The following SPATA24 variants were observed in gnomAD, a reference collection of about 807,000 sequenced individuals.
SPATA24 encodes the protein spermatogenesis-associated protein 24.
SPATA24 carries 21 observed loss-of-function variants against 28.9 expected under a neutral mutation model. That is an observed-to-expected ratio of 0.73 (90% CI 0.52 to 1.05). The LOEUF (loss-of-function observed/expected upper bound fraction) is 1.05, where lower values mean the gene tolerates loss of function less well. Ranked by LOEUF, SPATA24 falls within the 50% of genes least tolerant of loss-of-function variation. SPATA24 has a pLI of 0.00. For missense variants in SPATA24, 215 were observed against 242.9 expected, an observed-to-expected ratio of 0.88 and a Z score of 0.76; for synonymous variants, 76 against 89.9, an observed-to-expected ratio of 0.85 and a Z score of 0.88.
chr5:139,401,994 C>T lies in SPATA24; in HGVS notation c.235G>A (p.Glu79Lys), dbSNP rs768685286. Reference protein sequence around the residue: ...KTKVLLAKEEEKLQFALGEVE... With the variant: ...KTKVLLAKEEKKLQFALGEVE... ...TCTCCGAGGGCAAACTGTAACTTCT[C>T]CTCTTCCTTGGCCAGGAGGACCTTG... The change falls in exon 3 of 6, where the codon GAG (glutamate) becomes AAG (lysine). Residue 79 changes from glutamate (E) to lysine (K), a missense_variant. Coordinates refer to ENST00000450845, the MANE Select transcript of SPATA24 (RefSeq NM_194296.2). 1.3e-6 allele frequency: 2 copies of T among 1,551,718 alleles called. No individual in the cohort carries two copies. Among genetic ancestry groups the T allele is most frequent in the South Asian group, 1.2e-5 (1 of 84,060 alleles).
intron 2 of SPATA24, among the ~76,000 whole-genome samples, 176 bp from the exon 3 acceptor site, chr5:139,402,221 C>CT (rs951543387): frequency 2.9e-4 from 41 of 143,760 alleles, no homozygotes; most frequent in Middle Eastern, 3.5e-3. Flanking sequence ...TTTCTTTTTT[C>CT]TTTTTTTTTT....
chr5:139,402,409 T>TA (rs1561993666), intron 2 of SPATA24, among the ~76,000 whole-genome samples: 8 of 150,104 alleles, frequency 5.3e-5, no homozygotes, highest in African/African-American at 1.7e-4. Flanking sequence ...ATATATATAT[T>TA]TTTTTGTATT....
At chr5:139,403,574 T>C (rs1367207610) in intron 1 of SPATA24, among the ~76,000 whole-genome samples, 1 of 152,176 alleles carries the variant, frequency 6.6e-6, no homozygotes, top group Non-Finnish European at 1.5e-5. Flanking sequence ...GCACTGCCTT[T>C]GACTCTCGGG....
downstream of SPATA24, chr5:139,394,442 G>C (rs976581721): frequency 1.4e-6 from 2 of 1,396,110 alleles, no homozygotes; most frequent in Non-Finnish European, 1.8e-6. Context: ...TGGGGCCGGG[G>C]GCGCAGCTCG....
In SPATA24 at chr5:139,396,831, G is replaced by A; in HGVS notation, c.587C>T (p.Ala196Val). The change falls in exon 6 of 6, where the codon GCC becomes GTC. Residue 196 changes from alanine to valine, a missense_variant. Transcript: ENST00000450845. ...KHKKASGTRQ[A>V]RSHQHPREK Reference sequence around the variant, plus strand: ...TTCCCTGGGATGCTGGTGGCTGCGGGCCTGACGTGTCCCTGAGGCTTTCTT... The same window carrying A: ...TTCCCTGGGATGCTGGTGGCTGCGGACCTGACGTGTCCCTGAGGCTTTCTT... The A allele has an allele frequency of 6.4e-7, 1 of 1,551,722 alleles. No homozygotes were observed. Among genetic ancestry groups the A allele is most frequent in the Non-Finnish European group, 8.7e-7 (1 of 1,146,986 alleles).
At chr5:139,393,389 G>GAA, downstream of SPATA24, 1 of 1,551,662 alleles carries the variant, frequency 6.4e-7, no homozygotes. Flanking sequence ...CGCGTGGATG[G>GAA]ACTCTGCATC....
At chr5:139,394,892 C>T, downstream of SPATA24, 1 of 1,511,840 alleles carries the variant, frequency 6.6e-7, no homozygotes, top group Non-Finnish European at 8.8e-7. Context: ...GCGCCCGCCC[C>T]CCGCCCAGGA....
intron 3 of SPATA24, 36 bp downstream of exon 3, chr5:139,401,879 C>T: frequency 6.5e-7 from 1 of 1,549,082 alleles, no homozygotes; most frequent in South Asian, 1.2e-5. Context: ...CAGATGCATC[C>T]CCCAAACCCC....
At chr5:139,396,222 G>A (rs556253572), downstream of SPATA24, 24 of 985,392 alleles carry the variant, frequency 2.4e-5, no homozygotes, top group East Asian at 3.4e-4. Flanking sequence ...GGGGGCACTC[G>A]GTGATGGCTT....
chr5:139,395,929 C>T (rs1758695873), downstream of SPATA24, among the ~76,000 whole-genome samples: 1 of 152,240 alleles, frequency 6.6e-6, no homozygotes, highest in Non-Finnish European at 1.5e-5. Context: ...CAGGTATTCA[C>T]AAGGCCCTAA....
chr5:139,397,094 C>T lies in SPATA24; in HGVS notation c.435G>A (p.Glu145=), dbSNP rs1206959750. ...IKQEDILNGK[E]NEIKELQQVI... ...CTTGCTGCAACTCTTTAATCTCATT[C>T]TCTTTGCCATTAAGTATATCTTCTT... Residue 145 remains glutamate, a synonymous_variant, in exon 5 of 6, where the codon GAG becomes GAA. Coordinates refer to ENST00000450845, the MANE Select transcript of SPATA24 (RefSeq NM_194296.2). The T allele has an allele frequency of 1.9e-6, 3 of 1,551,602 alleles. No individual in the cohort carries two copies.
At chr5:139,395,899 AG>A (rs1380618327), downstream of SPATA24, among the ~76,000 whole-genome samples, 1 of 152,216 alleles carries the variant, frequency 6.6e-6, no homozygotes, top group Non-Finnish European at 1.5e-5. Flanking sequence ...CCCTGCGGCC[AG>A]AACAGCCCTG....
chr5:139,393,443 C>T (rs1471885813), downstream of SPATA24: 8 of 1,551,534 alleles, frequency 5.2e-6, no homozygotes. Context: ...GTAGGCGGTG[C>T]CAACTCCTCC....
At chr5:139,394,799 C>A, downstream of SPATA24, 1 of 1,528,432 alleles carries the variant, frequency 6.5e-7, no homozygotes, top group Non-Finnish European at 8.8e-7. Context: ...GGCCGTGGGC[C>A]GGAACCTGGG....
chr5:139,396,457 T>C (rs1241800073), downstream of SPATA24: 1 of 1,140,544 alleles, frequency 8.8e-7, no homozygotes, highest in Non-Finnish European at 1.1e-6. Context: ...CCCAAATTCC[T>C]TGTGGTTCTG....
downstream of SPATA24, chr5:139,393,487 G>C: frequency 6.4e-7 from 1 of 1,551,636 alleles, no homozygotes; most frequent in Non-Finnish European, 8.7e-7. Flanking sequence ...CTGAGTAAAT[G>C]CTATCGATGA....
intron 4 of SPATA24, among the ~76,000 whole-genome samples, chr5:139,398,005 A>G (rs1236520673): frequency 4.6e-5 from 7 of 152,264 alleles, no homozygotes; most frequent in Admixed American, 4.6e-4. Flanking sequence ...CACCTGGCAC[A>G]TAGTAGGTAT....
At chr5:139,397,837 G>A (rs1176305725) in intron 4 of SPATA24, among the ~76,000 whole-genome samples, 1 of 152,210 alleles carries the variant, frequency 6.6e-6, no homozygotes, top group Non-Finnish European at 1.5e-5. Flanking sequence ...TTACAGGCGT[G>A]AGCCACCATG....
chr5:139,396,042 A>C (rs1384599119), downstream of SPATA24, among the ~76,000 whole-genome samples: 2 of 152,160 alleles, frequency 1.3e-5, no homozygotes, highest in Admixed American at 6.5e-5. Flanking sequence ...ACTTGCCCTT[A>C]AACTTCTGGC....
Sources: gnomAD v4.1 joint callset for allele counts (sites outside exome capture counted in the v4.1 genomes callset) on GRCh38, gnomAD v4.1.1 for gene constraint, MANE v1.5 for transcripts, NCBI Gene and HGNC (gene_info 2026-07-23, HGNC 2026-07-21) for gene names.